Variants in ARHGAP15 observed in about 807,000 individuals in gnomAD.
ARHGAP15 encodes the protein Rho GTPase activating protein 15, also known as rho GTPase-activating protein 15.
A neutral mutation model predicts 63.7 loss-of-function variants in ARHGAP15; 51 were observed. That is an observed-to-expected ratio of 0.80 (90% CI 0.64 to 1.01). The LOEUF is 1.01. Among genes scored for constraint, ARHGAP15 ranks in the 50% least tolerant of loss-of-function variants. The pLI is 0.00. For missense variants in ARHGAP15, 560 were observed against 564.6 expected (o/e 0.99, Z 0.08); for synonymous variants, 191 against 193.8 (o/e 0.99, Z 0.12).
intron 13 of ARHGAP15, among the ~76,000 whole-genome samples, chr2:143,729,839 G>A (rs555366364): frequency 2.0e-4 from 30 of 152,338 alleles, no homozygotes; most frequent in African/African-American, 6.3e-4. Flanking sequence ...AGTACATGTT[G>A]AAAGTTATCT....
In ARHGAP15 at chr2:143,624,335, TAAG is replaced by T. The variant is rs997549795; in HGVS notation, c.1138+71_1138+73del. ...CATCCTGGAATTATTAAGTAAATAA[TAAG>T]AATGATTATAATAATAATCATGGGG... On this transcript the variant is annotated intron_variant, in intron 12 of 13. Coordinates refer to ENST00000295095, the MANE Select transcript of ARHGAP15 (RefSeq NM_018460.4). 4.7e-6 allele frequency: 7 copies of T among 1,473,706 alleles called. No homozygotes were observed. In the African/African-American group the frequency reaches 1.0e-4, roughly 21 times the overall value. 91.3% of individuals were successfully genotyped at this position (1,473,706 alleles called of 1,614,324 possible).
intron 11 of ARHGAP15, chr2:143,607,595 T>C (rs1241087634): frequency 6.6e-6 from 1 of 151,238 alleles, no homozygotes; most frequent in African/African-American, 2.4e-5. Context: ...GATCTTTCAT[T>C]TGTGAATTGC....
At chr2:143,382,185 A>G (rs1403025900) in intron 6 of ARHGAP15, among the ~76,000 whole-genome samples, 1 of 151,504 alleles carries the variant, frequency 6.6e-6, no homozygotes, top group Non-Finnish European at 1.5e-5. Context: ...CTAGCTTCCA[A>G]AAACTGTACT....
At chr2:143,622,783 A>T (rs1468181331) in intron 11 of ARHGAP15, among the ~76,000 whole-genome samples, 581 of 9,976 alleles carry the variant, frequency 0.058, 2 homozygotes, top group Admixed American at 0.15. Flanking sequence ...CATTTATTTA[A>T]AAAAAAAAAA....
chr2:143,186,205 T>C (rs1691441203), intron 2 of ARHGAP15, among the ~76,000 whole-genome samples: 1 of 152,152 alleles, frequency 6.6e-6, no homozygotes, highest in Non-Finnish European at 1.5e-5. Flanking sequence ...ACAATCATAT[T>C]TTCTTTGTTT....
chr2:143,263,035 A>G (rs972421226), intron 6 of ARHGAP15, among the ~76,000 whole-genome samples: 1 of 152,136 alleles, frequency 6.6e-6, no homozygotes, highest in Non-Finnish European at 1.5e-5. Flanking sequence ...TGTGCCATGC[A>G]TTGATTCAGT....
At position 143,390,826 on chromosome 2, in the gene ARHGAP15, T is replaced by A. The variant is rs185815572; in HGVS notation, c.475-44775T>A. ...ACCCAAAGGGAGGGAACAATCCTTG[T>A]ACTCCGGGGAAAATTTGCCTCCGCT... On this transcript the variant is annotated intron_variant, in intron 6 of 13. Transcript: ENST00000295095. Among the ~76,000 whole-genome samples, 1,189 of 152,226 alleles carry A rather than the reference T, an allele frequency of 7.8e-3. 14 individuals are homozygous for A. The highest frequency in any genetic ancestry group is 0.013 in the Non-Finnish European group (874 of 68,004).
At chr2:143,639,709 A>C (rs1680515413) in intron 12 of ARHGAP15, among the ~76,000 whole-genome samples, 1 of 152,110 alleles carries the variant, frequency 6.6e-6, no homozygotes, top group South Asian at 2.1e-4. Flanking sequence ...AAAAGGTGAA[A>C]CTGCAGCAAA....
chr2:143,411,363 G>A (rs1043232719), intron 6 of ARHGAP15, among the ~76,000 whole-genome samples: 1 of 152,060 alleles, frequency 6.6e-6, no homozygotes, highest in African/African-American at 2.4e-5. Context: ...CTAAATATAA[G>A]CATTTAAAGT....
chr2:143,542,238 G>C (rs550432966), intron 10 of ARHGAP15, among the ~76,000 whole-genome samples: 1 of 152,148 alleles, frequency 6.6e-6, no homozygotes, highest in East Asian at 1.9e-4. Flanking sequence ...GCACAGTATC[G>C]GGGTGGGAGT....
intron 12 of ARHGAP15, among the ~76,000 whole-genome samples, chr2:143,692,201 G>A (rs1192359323): frequency 6.6e-6 from 1 of 152,152 alleles, no homozygotes; most frequent in Non-Finnish European, 1.5e-5. Flanking sequence ...CTGCTAAATT[G>A]GGGCAGGGGG....
chr2:143,224,439 C>A (rs999053597), intron 4 of ARHGAP15, among the ~76,000 whole-genome samples: 2 of 152,012 alleles, frequency 1.3e-5, no homozygotes, highest in Admixed American at 1.3e-4. Flanking sequence ...AAACAGTATG[C>A]CCAGTACTGG....
intron 6 of ARHGAP15, among the ~76,000 whole-genome samples, chr2:143,333,353 C>T (rs961363691): frequency 1.3e-5 from 2 of 152,166 alleles, no homozygotes; most frequent in African/African-American, 2.4e-5. Flanking sequence ...TTATCAAATG[C>T]CATGCAGCTC....
At chr2:143,637,830 A>G (rs941860645) in intron 12 of ARHGAP15, among the ~76,000 whole-genome samples, 1 of 152,162 alleles carries the variant, frequency 6.6e-6, no homozygotes, top group African/African-American at 2.4e-5. Context: ...CCCATCAAAA[A>G]GTGGGCGAAG....
At chr2:143,290,616 C>T (rs763924265) in intron 6 of ARHGAP15, among the ~76,000 whole-genome samples, 22 of 152,164 alleles carry the variant, frequency 1.4e-4, no homozygotes, top group Admixed American at 2.6e-4. Flanking sequence ...TGAACCCAAT[C>T]AAATGCACCT....
chr2:143,622,782 A>T (rs1037209505), intron 11 of ARHGAP15, among the ~76,000 whole-genome samples: 42 of 6,452 alleles, frequency 6.5e-3, no homozygotes, highest in South Asian at 0.17. Context: ...TCATTTATTT[A>T]AAAAAAAAAA....
intron 6 of ARHGAP15, among the ~76,000 whole-genome samples, chr2:143,354,658 G>A (rs1042255432): frequency 1.3e-5 from 2 of 152,094 alleles, no homozygotes; most frequent in East Asian, 3.9e-4. Context: ...AAATTAGGAG[G>A]TGTTAATTCG....
intron 2 of ARHGAP15, among the ~76,000 whole-genome samples, chr2:143,165,687 CTG>C (rs1690471420): frequency 6.6e-6 from 1 of 152,008 alleles, no homozygotes; most frequent in Non-Finnish European, 1.5e-5. Flanking sequence ...GTTAGACAAA[CTG>C]AGTGTAACTA....
rs763171635 is a variant in ARHGAP15 at position 143,255,981 on chromosome 2, AAC to A, written c.474+5385_474+5386del. ...AACATTCAGGAGGTGCAGTGGAGAG[AAC>A]ACATGGGTCTGGGGATGTGTGTTCC... On this transcript the variant is annotated intron_variant, in intron 6 of 13. Transcript: ENST00000295095. 2.2e-4 allele frequency among the ~76,000 whole-genome samples: 33 copies of A among 152,218 alleles called. No individual in the cohort carries two copies. The South Asian group carries it at 3.3e-3, about 15-fold the overall frequency.
Sources: allele counts gnomAD v4.1 joint callset (sites outside exome capture counted in the v4.1 genomes callset), GRCh38; gene constraint gnomAD v4.1.1; transcripts MANE v1.5; gene names NCBI Gene and HGNC (gene_info 2026-07-23, HGNC 2026-07-21).